SYTL3: variants seen among roughly 807,000 people sequenced by gnomAD.
SYTL3 encodes synaptotagmin like 3.
SYTL3 carries 88 observed loss-of-function variants against 82.1 expected under a neutral mutation model. The observed-to-expected ratio is 1.07, with a 90% CI of 0.90 to 1.28. SYTL3 has a LOEUF of 1.28. Ranked by LOEUF, SYTL3 falls within the 50% of genes most tolerant of loss-of-function variation. The pLI is 0.00. For missense variants in SYTL3, 831 were observed against 757.6 expected, an observed-to-expected ratio of 1.10 and a Z score of -1.14; for synonymous variants, 311 against 289.4, an observed-to-expected ratio of 1.07 and a Z score of -0.76.
At chr6:158,713,923 C>G in intron 9 of SYTL3, 45 bp downstream of exon 9, 2 of 1,437,886 alleles carry the variant, frequency 1.4e-6, no homozygotes, top group African/African-American at 1.4e-5. Context: ...CCTTCCAGGC[C>G]AGCCGAGCCC....
chr6:158,649,005 T>C (rs1787704482), upstream of SYTL3, among the ~76,000 whole-genome samples: 1 of 152,236 alleles, frequency 6.6e-6, no homozygotes, highest in Non-Finnish European at 1.5e-5. Flanking sequence ...TCTGAGCTTC[T>C]TGGGTCCCTC....
At chr6:158,657,280 G>A (rs1788787497) in intron 2 of SYTL3, among the ~76,000 whole-genome samples, 1 of 151,936 alleles carries the variant, frequency 6.6e-6, no homozygotes, top group Non-Finnish European at 1.5e-5. Flanking sequence ...ACAAAAATTA[G>A]CCGTGTGTGA....
In SYTL3 at chr6:158,678,694, AT is replaced by A. The variant is rs575287556; in HGVS notation, c.330-4228del. On this transcript the variant is annotated intron_variant, in intron 5 of 17. Transcript: ENST00000611299. The stretch of plus-strand genomic sequence containing the variant: ...GCCATCTAGGCATCCAGTGCTTGGC[AT>A]TTGTAATTCTAGTGATCCTCATGCA... 8.7e-4 allele frequency among the ~76,000 whole-genome samples: 132 copies of A among 152,340 alleles called. 7 individuals are homozygous for A. In the South Asian group the frequency reaches 0.026, roughly 31 times the overall value.
At chr6:158,716,304 A>AG (rs1212115774) in intron 9 of SYTL3, among the ~76,000 whole-genome samples, 1 of 152,178 alleles carries the variant, frequency 6.6e-6, no homozygotes, top group Non-Finnish European at 1.5e-5. Flanking sequence ...AAATTTCTCA[A>AG]GAAGGCTTGT....
chr6:158,716,048 A>T (rs1170940349), intron 9 of SYTL3, among the ~76,000 whole-genome samples: 1 of 152,096 alleles, frequency 6.6e-6, no homozygotes, highest in Non-Finnish European at 1.5e-5. Flanking sequence ...TTGAAAGGTG[A>T]CCCAGAATTA....
rs1640869127 is a variant in SYTL3 at position 158,661,350 on chromosome 6, G to T, written c.-555G>T. The T allele has an allele frequency of 6.6e-6, 1 of 152,230 alleles. No homozygotes were observed. The highest frequency in any genetic ancestry group is 2.4e-5 in the African/African-American group (1 of 41,446). 9.4% of individuals were successfully genotyped at this position (152,230 alleles called of 1,614,324 possible). A position where few individuals can be genotyped will look rare whatever the true frequency, so the allele number is the denominator to read the frequency against. On this transcript the variant is annotated 5_prime_UTR_variant, in exon 3 of 18. Coordinates refer to ENST00000611299, the MANE Select transcript of SYTL3 (RefSeq NM_001242394.2). ...TGGATCTAAGGAGGGAAGAGGCGTTGCCCCTGCTGGCATAGTCAGGTACCA... is the reference window on the plus strand; with the variant it reads ...TGGATCTAAGGAGGGAAGAGGCGTTTCCCCTGCTGGCATAGTCAGGTACCA...
chr6:158,669,990 A>G (rs1012421553), intron 5 of SYTL3, among the ~76,000 whole-genome samples: 6 of 152,234 alleles, frequency 3.9e-5, no homozygotes, highest in Admixed American at 1.3e-4. Context: ...TCAGCATTTC[A>G]GATAAGGACT....
At chr6:158,761,310 T>TTC (rs1789905496) in intron 15 of SYTL3, among the ~76,000 whole-genome samples, 1 of 139,532 alleles carries the variant, frequency 7.2e-6, no homozygotes, top group Admixed American at 6.9e-5. Flanking sequence ...TCTTTTTTTT[T>TTC]TTTTTTTTTT....
intron 5 of SYTL3, among the ~76,000 whole-genome samples, chr6:158,667,049 T>G (rs553508965): frequency 4.9e-4 from 75 of 152,360 alleles, no homozygotes; most frequent in African/African-American, 1.6e-3. Flanking sequence ...AAATCATCTC[T>G]AGAAAGGTCT....
chr6:158,756,174 G>A (rs1381960139), intron 13 of SYTL3, among the ~76,000 whole-genome samples: 1 of 152,244 alleles, frequency 6.6e-6, no homozygotes, highest in African/African-American at 2.4e-5. Context: ...GGGTGCCACT[G>A]AGGGGCCTTC....
At chr6:158,743,688 C>G (rs937680904) in intron 11 of SYTL3, among the ~76,000 whole-genome samples, 1 of 145,220 alleles carries the variant, frequency 6.9e-6, no homozygotes, top group Non-Finnish European at 1.5e-5. Flanking sequence ...TCAAGTGATC[C>G]GCCTGCCTCT....
chr6:158,670,253 G>A lies in SYTL3; in HGVS notation c.329+4640G>A, dbSNP rs948214380. ...ATATTCACAAAGGCAAATAACTAGT[G>A]TATGAGAATGGGATAATTCACTCTC... is the stretch of plus-strand genomic sequence containing the variant. On this transcript the variant is annotated intron_variant, in intron 5 of 17. Coordinates refer to ENST00000611299, the MANE Select transcript of SYTL3 (RefSeq NM_001242394.2). Among the ~76,000 whole-genome samples the A allele has an allele frequency of 3.3e-5, 5 of 152,222 alleles. No individual in the cohort carries two copies. In the South Asian group the frequency reaches 8.3e-4, roughly 25 times the overall value.
intron 5 of SYTL3, among the ~76,000 whole-genome samples, chr6:158,673,859 G>A (rs1338851143): frequency 1.3e-5 from 2 of 151,104 alleles, no homozygotes; most frequent in East Asian, 2.0e-4. Flanking sequence ...CGAGCTGGGC[G>A]GATCACTTGA....
At chr6:158,735,326 A>G (rs994163208) in intron 11 of SYTL3, among the ~76,000 whole-genome samples, 3 of 152,186 alleles carry the variant, frequency 2.0e-5, no homozygotes, top group African/African-American at 7.2e-5. Flanking sequence ...GATTTTACAC[A>G]TACACACATG....
intron 11 of SYTL3, among the ~76,000 whole-genome samples, chr6:158,729,163 C>G (rs1305543336): frequency 6.6e-6 from 1 of 152,206 alleles, no homozygotes; most frequent in East Asian, 1.9e-4. Flanking sequence ...TCAATTAACA[C>G]TTGTGTTAGT....
chr6:158,661,302 G>C lies in SYTL3; in HGVS notation c.-603G>C, dbSNP rs925649709. The C allele has an allele frequency of 6.6e-6, 1 of 152,244 alleles. No individual in the cohort carries two copies. Among genetic ancestry groups the C allele is most frequent in the Non-Finnish European group, 1.5e-5 (1 of 68,056 alleles). 9.4% of individuals were successfully genotyped at this position (152,244 alleles called of 1,614,324 possible). Reference sequence around the variant, plus strand: ...AGCCTTGGGGCACTGAGGGATGCCAGTTCTGCCTGTTCATCTGGAACCTGG... The same window carrying C: ...AGCCTTGGGGCACTGAGGGATGCCACTTCTGCCTGTTCATCTGGAACCTGG... On this transcript the variant is annotated 5_prime_UTR_variant, in exon 3 of 18. Transcript: ENST00000611299.
chr6:158,663,917 CTGACCG>C (rs1789688704), intron 4 of SYTL3, among the ~76,000 whole-genome samples: 1 of 152,080 alleles, frequency 6.6e-6, no homozygotes, highest in Admixed American at 6.6e-5. Context: ...AGCCTGTTTC[CTGACCG>C]CTTTGCCAAC....
In SYTL3 at chr6:158,764,839, G is replaced by T. The variant is rs143191639; in HGVS notation, c.*235G>T. On this transcript the variant is annotated 3_prime_UTR_variant, in exon 18 of 18. Transcript: ENST00000611299. ...ATCTCCTCTTTGAGATGTAGAAAATGGCCAGATTTTAATAAACGTTGTTAC... is the reference window on the plus strand; with the variant it reads ...ATCTCCTCTTTGAGATGTAGAAAATTGCCAGATTTTAATAAACGTTGTTAC... 5.0e-6 allele frequency: 2 copies of T among 403,728 alleles called. No homozygotes were observed. The highest frequency in any genetic ancestry group is 8.9e-6 in the Non-Finnish European group (2 of 224,842). The allele number at this position is 403,728 out of a possible 1,614,324, so 25.0% of individuals were successfully genotyped here.
chr6:158,764,478 G>GTCC lies in SYTL3; in HGVS notation c.1724-15_1724-14insCTC. 6.3e-7 allele frequency: 1 copy of GTCC among 1,595,216 alleles called. No individual in the cohort carries two copies. The highest frequency in any genetic ancestry group is 8.6e-7 in the Non-Finnish European group (1 of 1,163,490). ...TGCCCTCCCCGACCATGGCTAAATT[G>GTCC]TCTTCCTCTCTTACAGAGGGAGACA... On this transcript the variant is annotated splice_polypyrimidine_tract_variant and intron_variant, in intron 17 of 17. Transcript: ENST00000611299.
Sources: allele counts gnomAD v4.1 joint callset (sites outside exome capture counted in the v4.1 genomes callset), GRCh38; gene constraint gnomAD v4.1.1; transcripts MANE v1.5; gene names NCBI Gene and HGNC (gene_info 2026-07-23, HGNC 2026-07-21).